VAV2: variants seen among roughly 807,000 people sequenced by gnomAD.
VAV2 encodes vav guanine nucleotide exchange factor 2.
Under a neutral mutation model 132.5 loss-of-function variants are expected in VAV2, and 67 were observed. The ratio of observed to expected loss-of-function variants is 0.51; its 90% CI spans 0.42 to 0.62. The LOEUF is 0.62. Ranked by LOEUF, VAV2 falls within the 20% of genes least tolerant of loss-of-function variation. The probability of loss-of-function intolerance (pLI) is 0.00; values close to 1 mark genes in which losing one functional copy is unlikely to be tolerated. For missense variants in VAV2, 938 were observed against 1,153.6 expected (o/e 0.81, Z 2.71); for synonymous variants, 492 against 443.5 (o/e 1.11, Z -1.37).
At chr9:133,922,983 G>T (rs139582976) in intron 2 of VAV2, among the ~76,000 whole-genome samples, 3 of 152,306 alleles carry the variant, frequency 2.0e-5, no homozygotes, top group African/African-American at 4.8e-5. Flanking sequence ...AATATGTAAA[G>T]AACTCCTACA....
chr9:133,892,535 C>A (rs3780748), intron 2 of VAV2, among the ~76,000 whole-genome samples: 1 of 152,086 alleles, frequency 6.6e-6, no homozygotes, highest in African/African-American at 2.4e-5. Context: ...AAAAATCAAT[C>A]TGCATCAATC....
At chr9:133,825,253 C>T (rs2283127) in intron 4 of VAV2, among the ~76,000 whole-genome samples, 2 of 151,726 alleles carry the variant, frequency 1.3e-5, no homozygotes, top group East Asian at 2.0e-4. Context: ...CCTTAAGAAA[C>T]GCCCCGTCTT....
intron 26 of VAV2, among the ~76,000 whole-genome samples, chr9:133,771,430 G>C (rs1833621340): frequency 6.6e-6 from 1 of 152,152 alleles, no homozygotes; most frequent in Non-Finnish European, 1.5e-5. Flanking sequence ...TAAGAGCCTG[G>C]GGGCTCTAAT....
chr9:133,853,413 A>G (rs1407962995), intron 3 of VAV2, among the ~76,000 whole-genome samples: 4 of 151,980 alleles, frequency 2.6e-5, no homozygotes, highest in Admixed American at 2.6e-4. Context: ...TGGAAAAGGA[A>G]TCCCTCAGGC....
intron 25 of VAV2, among the ~76,000 whole-genome samples, chr9:133,773,921 CA>C (rs1284891074): frequency 9.8e-5 from 15 of 152,344 alleles, no homozygotes; most frequent in African/African-American, 3.6e-4. Flanking sequence ...AGCATAACCA[CA>C]CTCACATGAG....
chr9:133,905,221 G>A (rs555751269), intron 2 of VAV2, among the ~76,000 whole-genome samples: 9 of 152,022 alleles, frequency 5.9e-5, no homozygotes, highest in African/African-American at 2.2e-4. Flanking sequence ...CTGAGGTCAG[G>A]AGTTCGAGAC....
chr9:133,873,798 T>C (rs982060228), intron 2 of VAV2, among the ~76,000 whole-genome samples: 1 of 152,186 alleles, frequency 6.6e-6, no homozygotes, highest in African/African-American at 2.4e-5. Context: ...AATTTTGAGA[T>C]GGGAAACCTA....
intron 9 of VAV2, among the ~76,000 whole-genome samples, chr9:133,799,213 C>T (rs1214470706): frequency 6.6e-6 from 1 of 152,190 alleles, no homozygotes; most frequent in Non-Finnish European, 1.5e-5. Flanking sequence ...GAGCATGTCC[C>T]TTTGGAGCTG....
At chr9:133,810,286 A>T (rs764286127) in intron 5 of VAV2, 81 bp from the exon 6 acceptor site, 16 of 1,596,738 alleles carry the variant, frequency 1.0e-5, no homozygotes, top group Non-Finnish European at 1.4e-5. Flanking sequence ...CTGGGACATC[A>T]GGAACGCCAC....
intron 1 of VAV2, among the ~76,000 whole-genome samples, chr9:133,968,794 C>T (rs1054859705): frequency 6.6e-6 from 1 of 152,210 alleles, no homozygotes; most frequent in Non-Finnish European, 1.5e-5. Context: ...GGGCCCTGTC[C>T]CCAGCTCAGA....
At chr9:133,837,714 A>T (rs995912777) in intron 3 of VAV2, among the ~76,000 whole-genome samples, 26 of 145,456 alleles carry the variant, frequency 1.8e-4, no homozygotes, top group African/African-American at 6.3e-4. Flanking sequence ...AAATAAATTA[A>T]AAAAAAAAAA....
At position 133,834,186 on chromosome 9, in the gene VAV2, A is replaced by G; in HGVS notation, c.449+86T>C. The G allele has an allele frequency of 6.8e-7, 1 of 1,472,984 alleles. No homozygotes were observed. The highest frequency in any genetic ancestry group is 9.2e-7 in the Non-Finnish European group (1 of 1,082,710). 91.2% of individuals were successfully genotyped at this position (1,472,984 alleles called of 1,614,324 possible). On this transcript the variant is annotated intron_variant, in intron 4 of 29. Transcript: ENST00000371850. The surrounding 1 kb of genome is among the most constrained non-coding windows in gnomAD (Gnocchi z 5.9). ...CAGCTCTGCCTGCACTGTGGCCGCC[A>G]TGTTTCCTCCTGACTCCCTGGACAC... is the stretch of plus-strand genomic sequence containing the variant.
intron 1 of VAV2, among the ~76,000 whole-genome samples, chr9:133,941,754 C>T (rs890443322): frequency 1.8e-4 from 27 of 152,094 alleles, no homozygotes; most frequent in Admixed American, 1.8e-3. Context: ...CAGGCACGCA[C>T]CACCATGCCC....
intron 1 of VAV2, among the ~76,000 whole-genome samples, chr9:133,976,509 C>T (rs914588192): frequency 6.6e-6 from 1 of 152,192 alleles, no homozygotes; most frequent in East Asian, 1.9e-4. Flanking sequence ...TGAAACGAGG[C>T]CTTCATTCCC....
At chr9:133,853,045 C>T (rs1238340598) in intron 3 of VAV2, among the ~76,000 whole-genome samples, 1 of 152,206 alleles carries the variant, frequency 6.6e-6, no homozygotes, top group African/African-American at 2.4e-5. Flanking sequence ...CAGACGACAT[C>T]CCAGGTCTAG....
At chr9:133,882,732 A>C (rs12002290) in intron 2 of VAV2, among the ~76,000 whole-genome samples, 26,201 of 152,100 alleles carry the variant, frequency 0.17, 2,445 homozygotes, top group South Asian at 0.28. Context: ...GACGCCAGAA[A>C]AAGGATAAAT....
At chr9:133,789,431 A>C (rs10821524) in intron 13 of VAV2, 88 bp from the exon 14 acceptor site, 567,075 of 1,291,750 alleles carry the variant, frequency 0.44, 125,026 homozygotes, top group South Asian at 0.52. Flanking sequence ...TCGTGCACCC[A>C]AGGGAACTCC....
rs112910261 is a variant in VAV2, at chr9:133,985,578, G to A, written c.204+6497C>T. Among the ~76,000 whole-genome samples the A allele has an allele frequency of 6.0e-3, 914 of 152,224 alleles. 8 individuals are homozygous for A. The highest frequency in any genetic ancestry group is 0.019 in the African/African-American group (795 of 41,530). ...ACTGCAGGCATGAGCCATCGCGCCC[G>A]GCCCTGATCTTGCCTTCTAAATACC... On this transcript the variant is annotated intron_variant, in intron 1 of 29. Coordinates refer to ENST00000371850, the MANE Select transcript of VAV2 (RefSeq NM_001134398.2).
intron 1 of VAV2, among the ~76,000 whole-genome samples, chr9:133,959,236 C>T (rs1369502102): frequency 6.6e-6 from 1 of 152,214 alleles, no homozygotes; most frequent in Non-Finnish European, 1.5e-5. Context: ...CTGGGCCAAG[C>T]CCCTGGCTGT....
Sources: allele counts gnomAD v4.1 joint callset (sites outside exome capture counted in the v4.1 genomes callset), GRCh38; gene constraint gnomAD v4.1.1; non-coding constraint Gnocchi (gnomAD v3.1); transcripts MANE v1.5; gene names NCBI Gene and HGNC (gene_info 2026-07-23, HGNC 2026-07-21).